PCLO: variants seen among roughly 807,000 people sequenced by gnomAD.
PCLO encodes the protein piccolo presynaptic cytomatrix protein, also known as protein piccolo.
Under a neutral mutation model 427.5 loss-of-function variants are expected in PCLO, and 82 were observed. That is an observed-to-expected ratio of 0.19 (90% CI 0.16 to 0.23). PCLO has a LOEUF of 0.23. Among genes scored for constraint, PCLO ranks in the 10% least tolerant of loss-of-function variants. PCLO has a pLI of 1.00. For synonymous variants in PCLO, 2,357 were observed against 2,155.4 expected, an observed-to-expected ratio of 1.09 and a Z score of -2.59; for missense variants, 6,239 against 6,115.9, an observed-to-expected ratio of 1.02 and a Z score of -0.67.
intron 22 of PCLO, among the ~76,000 whole-genome samples, chr7:82,781,826 A>C (rs1023414605): frequency 1.3e-5 from 2 of 152,072 alleles, no homozygotes; most frequent in African/African-American, 2.4e-5. Flanking sequence ...GCTTCCATAA[A>C]AACCCAAGAG....
chr7:82,762,464 C>G (rs528717874), intron 22 of PCLO, among the ~76,000 whole-genome samples: 12 of 151,988 alleles, frequency 7.9e-5, no homozygotes, highest in Non-Finnish European at 1.6e-4. Flanking sequence ...GGTCTTTAAA[C>G]ATGGCTGTAG....
At chr7:82,902,281 A>T (rs1025205497) in intron 9 of PCLO, among the ~76,000 whole-genome samples, 1 of 151,834 alleles carries the variant, frequency 6.6e-6, no homozygotes, top group Non-Finnish European at 1.5e-5. Flanking sequence ...TTGTAGGGAC[A>T]TGGATGAAAT....
In PCLO at chr7:83,162,610, G is replaced by A; in HGVS notation, c.-18C>T. ...TTGCCCATGGCTCAGGGAGACTCGG[G>A]GCCGCCGCGCTCCCTCCTCGCGCCG... On this transcript the variant is annotated 5_prime_UTR_variant, in exon 1 of 25. Coordinates refer to ENST00000333891, the MANE Select transcript of PCLO (RefSeq NM_033026.6). 1 of 1,520,278 alleles carries A rather than the reference G, an allele frequency of 6.6e-7. No individual in the cohort carries two copies. Among genetic ancestry groups the A allele is most frequent in the East Asian group, 2.5e-5 (1 of 40,610 alleles). 94.2% of individuals were successfully genotyped at this position (1,520,278 alleles called of 1,614,324 possible).
intron 10 of PCLO, among the ~76,000 whole-genome samples, chr7:82,859,558 C>A (rs895660632): frequency 6.6e-6 from 1 of 152,164 alleles, no homozygotes; most frequent in Admixed American, 6.5e-5. Context: ...GCTTGGGGTG[C>A]CCCCTAAAGC....
In PCLO at chr7:82,971,484, T is replaced by C. The variant is rs192649516; in HGVS notation, c.3301-4997A>G. 4.0e-5 allele frequency among the ~76,000 whole-genome samples: 6 copies of C among 149,074 alleles called. No individual in the cohort carries two copies. The East Asian group carries it at 9.7e-4, about 24-fold the overall frequency. ...ACATAAAACTGCTGGTGGTCTATTA[T>C]ATCAAATTTTATATATATAATAAAA... is the stretch of plus-strand genomic sequence containing the variant. On this transcript the variant is annotated intron_variant, in intron 3 of 24. Coordinates refer to ENST00000333891, the MANE Select transcript of PCLO (RefSeq NM_033026.6).
chr7:83,135,421 G>A lies in PCLO; in HGVS notation c.2129C>T (p.Pro710Leu). 1.2e-6 allele frequency: 2 copies of A among 1,613,898 alleles called. No homozygotes were observed. Among genetic ancestry groups the A allele is most frequent in the Non-Finnish European group, 1.7e-6 (2 of 1,179,882 alleles). The change falls in exon 3 of 25, where the codon CCA becomes CTA. Residue 710 changes from proline to leucine, a missense_variant. Physicochemically the swap from Pro to Leu is moderately conservative, Grantham distance 98. This residue lies in a region of PCLO where 4,677 missense variants were observed against 4,468.4 expected (regional missense o/e 1.05). Transcript: ENST00000333891. ...GGCTGAAGGAGAGCCATGAAGGGTT[G>A]GTTGTTTCACTAGTGGTGGTGGCTT... ...PKKPPPLVKQPTLHGSPSAKA... is the reference protein window; with the variant it reads ...PKKPPPLVKQLTLHGSPSAKA...
At chr7:83,010,058 T>C (rs776038069) in intron 3 of PCLO, among the ~76,000 whole-genome samples, 3 of 151,954 alleles carry the variant, frequency 2.0e-5, no homozygotes, top group Non-Finnish European at 4.4e-5. Context: ...CATTACATTG[T>C]GGATGATATC....
intron 3 of PCLO, among the ~76,000 whole-genome samples, chr7:83,020,480 A>T (rs1352617751): frequency 6.6e-6 from 1 of 150,732 alleles, no homozygotes; most frequent in Non-Finnish European, 1.5e-5. Context: ...AAAGAGCTGG[A>T]AGGAACTAGC....
At position 83,123,817 on chromosome 7, in the gene PCLO, C is replaced by T. The variant is rs575536548; in HGVS notation, c.3300+10433G>A. Among the ~76,000 whole-genome samples, 33 of 152,004 alleles carry T rather than the reference C, an allele frequency of 2.2e-4. No individual in the cohort carries two copies. In the South Asian group the frequency reaches 3.3e-3, roughly 15 times the overall value. ...TTAAGAAATAGGCAAAAGGGTCAGG[C>T]GCAGTGGCTCACGCCTGTGATCCCA... On this transcript the variant is annotated intron_variant, in intron 3 of 24. Coordinates refer to ENST00000333891, the MANE Select transcript of PCLO (RefSeq NM_033026.6).
chr7:83,110,704 G>T (rs1204752426), intron 3 of PCLO, among the ~76,000 whole-genome samples: 1 of 152,004 alleles, frequency 6.6e-6, no homozygotes, highest in African/African-American at 2.4e-5. Context: ...CATTATACAT[G>T]AATATTACTC....
chr7:82,974,374 C>A (rs149315143), intron 3 of PCLO, among the ~76,000 whole-genome samples: 1 of 152,090 alleles, frequency 6.6e-6, no homozygotes, highest in South Asian at 2.1e-4. Flanking sequence ...GAGTAGACTA[C>A]CTGATCTGAG....
intron 10 of PCLO, among the ~76,000 whole-genome samples, chr7:82,876,791 G>C (rs1364705930): frequency 6.6e-6 from 1 of 152,038 alleles, no homozygotes; most frequent in African/African-American, 2.4e-5. Flanking sequence ...GTTTATTAAA[G>C]AGCTATGTTG....
chr7:82,755,402 C>T lies in PCLO; in HGVS notation c.*3173G>A, dbSNP rs1166249544. 6.6e-6 allele frequency: 1 copy of T among 152,100 alleles called. No individual in the cohort carries two copies. Among genetic ancestry groups the T allele is most frequent in the Non-Finnish European group, 1.5e-5 (1 of 68,030 alleles). The allele number at this position is 152,100 out of a possible 1,614,324, so 9.4% of individuals were successfully genotyped here. On this transcript the variant is annotated 3_prime_UTR_variant, in exon 25 of 25. Transcript: ENST00000333891. ...TAAGTAAAAACAGAGAAAACACCAA[C>T]TTCGTGCTACTAGGGTTATTTGTGT...
intron 22 of PCLO, among the ~76,000 whole-genome samples, chr7:82,769,778 ATGAAGTC>A (rs1318216873): frequency 1.3e-5 from 2 of 152,152 alleles, no homozygotes; most frequent in African/African-American, 4.8e-5. Flanking sequence ...GTGCTAGCTA[ATGAAGTC>A]TGAATTGGTG....
Position 83,134,747 on chromosome 7 carries a change from C to T in PCLO, c.2803G>A (p.Gly935Arg). ...GATGCCTGGCTGAAGATTGATGCTCCAAACCCAAAGAGTTTCCCAGTCACG... is the reference window on the plus strand; with the variant it reads ...GATGCCTGGCTGAAGATTGATGCTCTAAACCCAAAGAGTTTCCCAGTCACG... ...ETVTGKLFGF[G>R]ASIFSQASNL... The change falls in exon 3 of 25, where the codon GGA becomes AGA. Residue 935 changes from glycine (G) to arginine (R), a missense_variant. By Grantham distance (125) the Gly-to-Arg change is moderately radical (BLOSUM62 -2). Coordinates refer to ENST00000333891, the MANE Select transcript of PCLO (RefSeq NM_033026.6). 6.2e-7 allele frequency: 1 copy of T among 1,613,896 alleles called. No homozygotes were observed. The highest frequency in any genetic ancestry group is 8.5e-7 in the Non-Finnish European group (1 of 1,179,880).
rs142206194 is a variant in PCLO, at chr7:82,950,676, G to C, written c.9912C>G (p.His3304Gln). 9 of 1,613,554 alleles carry C rather than the reference G, an allele frequency of 5.6e-6. No individual in the cohort carries two copies. Among genetic ancestry groups the C allele is most frequent in the Non-Finnish European group, 7.6e-6 (9 of 1,179,612 alleles). Residue 3304 changes from histidine (H) to glutamine (Q), a missense_variant, in exon 6 of 25, where the codon CAC becomes CAG. Around this residue, in one of 5 missense-constraint regions of PCLO, gnomAD observed 4,677 missense variants for 4,468.4 expected, o/e 1.05. Transcript: ENST00000333891. ...EQIQQLQQQL[H>Q]QQLEEQKIRQ... ...GAATCTTTTGCTCCTCCAGCTGCTG[G>C]TGAAGCTGTTGTTGCAGCTGTTGGA...
chr7:83,059,589 AATT>A (rs573733086), intron 3 of PCLO, among the ~76,000 whole-genome samples: 3,697 of 151,996 alleles, frequency 0.024, 157 homozygotes, highest in African/African-American at 0.084. Context: ...TCATGACAGA[AATT>A]TATTTAACCA....
At position 83,096,973 on chromosome 7, in the gene PCLO, T is replaced by TATATAAATAATATAATATA. The variant is rs1392527817; in HGVS notation, c.3300+37276_3300+37277insTATATTATATTATTTATAT. On this transcript the variant is annotated intron_variant, in intron 3 of 24. Transcript: ENST00000333891. ...ATATAAATAATATAATATAATATAT[T>TATATAAATAATATAATATA]ATATATTATATAAATAATATATATT... Among the ~76,000 whole-genome samples the TATATAAATAATATAATATA allele has an allele frequency of 4.2e-4, 20 of 47,674 alleles. 3 individuals carry two copies. Among genetic ancestry groups the TATATAAATAATATAATATA allele is most frequent in the Non-Finnish European group, 5.0e-4 (16 of 32,254 alleles). The allele number at this position is 47,674 out of a possible 152,430, so 31.3% of individuals were successfully genotyped here.
chr7:82,808,775 A>G (rs967004481), intron 20 of PCLO, among the ~76,000 whole-genome samples: 76 of 152,058 alleles, frequency 5.0e-4, no homozygotes, highest in African/African-American at 1.7e-3. Context: ...TGGAGTTATC[A>G]CAACAAAACA....
Sources: gnomAD v4.1 joint callset for allele counts (sites outside exome capture counted in the v4.1 genomes callset) on GRCh38, gnomAD v4.1.1 for gene constraint, gnomAD v4.1.1 regional missense constraint, MANE v1.5 for transcripts, NCBI Gene and HGNC (gene_info 2026-07-23, HGNC 2026-07-21) for gene names.